Variants in LSM14A observed in about 807,000 individuals in gnomAD.
The protein encoded by LSM14A is protein LSM14 homolog A.
A neutral mutation model predicts 52.4 loss-of-function variants in LSM14A; 14 were observed. The observed-to-expected ratio is 0.27, with a 90% confidence interval of 0.18 to 0.42. LSM14A has a LOEUF of 0.42. Ranked by LOEUF, LSM14A falls within the 10% of genes least tolerant of loss-of-function variation. The pLI, the probability that LSM14A is intolerant of heterozygous loss-of-function variation, is 1.00. For missense variants in LSM14A, 417 were observed against 581.8 expected (o/e 0.72, Z 2.91); for synonymous variants, 185 against 200.3 (o/e 0.92, Z 0.64).
chr19:34,197,431 C>CTTTTTTTTTTTTTT (rs531343486), intron 3 of LSM14A, among the ~76,000 whole-genome samples: 4 of 63,304 alleles, frequency 6.3e-5, no homozygotes, highest in Non-Finnish European at 1.1e-4. Context: ...ATTTCTTTTT[C>CTTTTTTTTTTTTTT]TTTTTTTTTT....
chr19:34,192,454 C>T (rs1773417027), intron 1 of LSM14A, among the ~76,000 whole-genome samples: 2 of 148,936 alleles, frequency 1.3e-5, no homozygotes, highest in Non-Finnish European at 3.0e-5. Context: ...GCCACCTGAG[C>T]AGCTAGGACT....
chr19:34,203,180 A>C (rs1483004774), intron 3 of LSM14A, among the ~76,000 whole-genome samples: 1 of 147,234 alleles, frequency 6.8e-6, no homozygotes. Context: ...CAGCTATCTA[A>C]AGTAATTCTA....
intron 6 of LSM14A, among the ~76,000 whole-genome samples, chr19:34,218,432 G>A (rs969369578): frequency 8.5e-5 from 13 of 152,192 alleles, no homozygotes; most frequent in Non-Finnish European, 1.6e-4. Context: ...ATATGCTGCT[G>A]TGGGGTTTTG....
At chr19:34,185,812 A>G (rs1291162794) in intron 1 of LSM14A, among the ~76,000 whole-genome samples, 1 of 152,230 alleles carries the variant, frequency 6.6e-6, no homozygotes, top group Non-Finnish European at 1.5e-5. Flanking sequence ...AATGTCAGAA[A>G]GAGAAGAAAA....
rs2072909802 is a variant in LSM14A, at chr19:34,219,527, C to G, written c.918C>G (p.Asn306Lys). ...TTGAAAGTGCAAATGCACAATTCAA[C>G]AAGGAAGAGATTGACAGAGAGTTTC... ...FDFESANAQF[N>K]KEEIDREFHN... Residue 306 changes from asparagine to lysine, a missense_variant, in exon 7 of 10, where the codon AAC becomes AAG. This residue lies in a region of LSM14A where 357 missense variants were observed against 457.0 expected (regional missense o/e 0.78). Transcript: ENST00000544216. The G allele has an allele frequency of 6.2e-7, 1 of 1,613,620 alleles. No homozygotes were observed. Among genetic ancestry groups the G allele is most frequent in the Non-Finnish European group, 8.5e-7 (1 of 1,179,778 alleles).
At chr19:34,195,481 A>G (rs901471778) in intron 2 of LSM14A, among the ~76,000 whole-genome samples, 1 of 152,104 alleles carries the variant, frequency 6.6e-6, no homozygotes, top group African/African-American at 2.4e-5. Flanking sequence ...CCTGGCCTGC[A>G]ATGTTATATA....
At chr19:34,209,451 A>G (rs1386039744) in intron 4 of LSM14A, among the ~76,000 whole-genome samples, 1 of 152,202 alleles carries the variant, frequency 6.6e-6, no homozygotes, top group Non-Finnish European at 1.5e-5. Context: ...TCCTCACAGG[A>G]TGGAGAGTAG....
chr19:34,216,277 G>A (rs1257295534), intron 6 of LSM14A, among the ~76,000 whole-genome samples: 3 of 151,644 alleles, frequency 2.0e-5, no homozygotes, highest in Non-Finnish European at 4.4e-5. Flanking sequence ...GCCGGGCGCA[G>A]TGGCGGGCGC....
chr19:34,210,775 TTG>T (rs1325746530), intron 4 of LSM14A, among the ~76,000 whole-genome samples: 1 of 151,290 alleles, frequency 6.6e-6, no homozygotes, highest in Non-Finnish European at 1.5e-5. Flanking sequence ...TTTCGCCATG[TTG>T]CCAAGGCTGG....
At chr19:34,211,588 A>G (rs1295015017) in intron 4 of LSM14A, among the ~76,000 whole-genome samples, 1 of 149,094 alleles carries the variant, frequency 6.7e-6, no homozygotes, top group Non-Finnish European at 1.5e-5. Flanking sequence ...CGAGTTTGAG[A>G]CCAGCCTGAG....
chr19:34,218,226 G>A (rs377595809), intron 6 of LSM14A, among the ~76,000 whole-genome samples: 11 of 151,954 alleles, frequency 7.2e-5, no homozygotes, highest in African/African-American at 2.7e-4. Context: ...GGCTGGTCTC[G>A]AGCTCCTGAC....
At chr19:34,205,957 C>T (rs113513806) in intron 3 of LSM14A, among the ~76,000 whole-genome samples, 1,608 of 151,800 alleles carry the variant, frequency 0.011, 20 homozygotes, top group Middle Eastern at 0.034. Flanking sequence ...AAAGAGTAGA[C>T]GTCAGTATAG....
chr19:34,215,910 A>G (rs1216552063), intron 6 of LSM14A, among the ~76,000 whole-genome samples: 1 of 152,156 alleles, frequency 6.6e-6, no homozygotes, highest in African/African-American at 2.4e-5. Context: ...GAGTACATGT[A>G]CAAACTGGTG....
chr19:34,173,332 T>C (rs1234261711), intron 1 of LSM14A, among the ~76,000 whole-genome samples: 2 of 152,174 alleles, frequency 1.3e-5, no homozygotes, highest in Non-Finnish European at 2.9e-5. Context: ...CCTCTGTTGG[T>C]ATTTACCTGT....
At chr19:34,212,313 A>G (rs1256471738) in intron 4 of LSM14A, among the ~76,000 whole-genome samples, 1 of 152,214 alleles carries the variant, frequency 6.6e-6, no homozygotes, top group Admixed American at 6.5e-5. Flanking sequence ...CAACAGAGCA[A>G]GAATTCATCT....
chr19:34,226,027 A>C (rs895000053), intron 9 of LSM14A, among the ~76,000 whole-genome samples: 5 of 151,750 alleles, frequency 3.3e-5, no homozygotes, highest in Middle Eastern at 3.4e-3. Context: ...GCACCACTGC[A>C]CTCCAGCCTG....
At chr19:34,206,551 T>C (rs902015819) in intron 3 of LSM14A, among the ~76,000 whole-genome samples, 3 of 151,178 alleles carry the variant, frequency 2.0e-5, no homozygotes, top group African/African-American at 7.3e-5. Context: ...GGCGCGCGCC[T>C]GTAGTCCCAG....
intron 1 of LSM14A, among the ~76,000 whole-genome samples, chr19:34,193,283 C>T (rs1473721525): frequency 1.3e-5 from 2 of 152,172 alleles, no homozygotes; most frequent in South Asian, 2.1e-4. Flanking sequence ...CTCCTTATAG[C>T]TGGGACTACA....
intron 3 of LSM14A, 52 bp from the exon 4 acceptor site, chr19:34,208,877 A>G (rs570991275): frequency 2.3e-6 from 3 of 1,306,222 alleles, no homozygotes; most frequent in Admixed American, 4.8e-5. Flanking sequence ...ATCATTGAAT[A>G]ATGTCAAACA....
Sources: allele counts gnomAD v4.1 joint callset (sites outside exome capture counted in the v4.1 genomes callset), GRCh38; gene constraint gnomAD v4.1.1; regional missense constraint gnomAD v4.1.1; transcripts MANE v1.5; gene names NCBI Gene and HGNC (gene_info 2026-07-23, HGNC 2026-07-21).